Variants in CBLB observed in about 807,000 individuals in gnomAD.
The protein encoded by CBLB is E3 ubiquitin-protein ligase CBL-B.
CBLB carries 31 observed loss-of-function variants against 104.9 expected under a neutral mutation model. The observed-to-expected ratio is 0.30, with a 90% CI of 0.22 to 0.40. CBLB has a LOEUF of 0.40. Ranked by LOEUF, CBLB falls within the 10% of genes least tolerant of loss-of-function variation. The probability of loss-of-function intolerance (pLI) is 1.00; values close to 1 mark genes in which losing one functional copy is unlikely to be tolerated. For synonymous variants in CBLB, 440 were observed against 422.6 expected (o/e 1.04, Z -0.51); for missense variants, 1,062 against 1,214.6 (o/e 0.87, Z 1.87).
intron 3 of CBLB, among the ~76,000 whole-genome samples, chr3:105,799,535 T>A (rs2082608167): frequency 6.6e-6 from 1 of 152,202 alleles, no homozygotes; most frequent in African/African-American, 2.4e-5. Context: ...TTCACCATTT[T>A]GATTTGCAAC....
At chr3:105,718,695 G>C (rs774272305) in intron 10 of CBLB, among the ~76,000 whole-genome samples, 9 of 152,178 alleles carry the variant, frequency 5.9e-5, no homozygotes, top group Admixed American at 4.6e-4. Context: ...TGTGTTGAAA[G>C]GCTCTGTTGG....
intron 17 of CBLB, among the ~76,000 whole-genome samples, chr3:105,674,348 C>A (rs2065378838): frequency 6.6e-6 from 1 of 152,206 alleles, no homozygotes; most frequent in South Asian, 2.1e-4. Context: ...TCTGGATTTT[C>A]TTCATATTTT....
At chr3:105,770,693 C>A (rs781347867) in intron 4 of CBLB, among the ~76,000 whole-genome samples, 1 of 152,122 alleles carries the variant, frequency 6.6e-6, no homozygotes, top group Non-Finnish European at 1.5e-5. Context: ...CGAAGAGGGG[C>A]ATGGCTTTTT....
intron 9 of CBLB, among the ~76,000 whole-genome samples, chr3:105,727,607 A>G (rs1559981423): frequency 6.6e-6 from 1 of 152,094 alleles, no homozygotes; most frequent in Non-Finnish European, 1.5e-5. Context: ...TTAGTCATGA[A>G]GTCTTTGCCC....
intron 9 of CBLB, among the ~76,000 whole-genome samples, chr3:105,729,327 T>C (rs1251600461): frequency 5.9e-5 from 9 of 152,164 alleles, no homozygotes; most frequent in South Asian, 2.1e-4. Flanking sequence ...GTTCAGAGCA[T>C]ACTACAGAAC....
intron 18 of CBLB, among the ~76,000 whole-genome samples, chr3:105,667,455 T>A (rs2064595943): frequency 6.6e-6 from 1 of 152,166 alleles, no homozygotes. Flanking sequence ...ACAAGCAGAT[T>A]ACTAGCAAAA....
At chr3:105,817,275 T>C (rs2085195793) in intron 3 of CBLB, among the ~76,000 whole-genome samples, 2 of 152,174 alleles carry the variant, frequency 1.3e-5, no homozygotes, top group African/African-American at 4.8e-5. Flanking sequence ...TCAGTAATCT[T>C]ATCATGAGTA....
chr3:105,863,342 T>A (rs1178762178), intron 2 of CBLB, among the ~76,000 whole-genome samples: 1 of 152,172 alleles, frequency 6.6e-6, no homozygotes, highest in African/African-American at 2.4e-5. Context: ...TTTGTTATTA[T>A]CCCCTAACCA....
intron 10 of CBLB, among the ~76,000 whole-genome samples, chr3:105,713,530 T>C (rs1270218702): frequency 6.6e-6 from 1 of 152,156 alleles, no homozygotes; most frequent in Non-Finnish European, 1.5e-5. Context: ...TCAAAACTTT[T>C]AGAGTTCAAG....
intron 3 of CBLB, among the ~76,000 whole-genome samples, chr3:105,780,670 T>TTTTTTTTTTTTTTTTG (rs1560209728): frequency 7.4e-6 from 1 of 135,176 alleles, no homozygotes; most frequent in East Asian, 2.0e-4. Flanking sequence ...GTTTTTTTTT[T>TTTTTTTTTTTTTTTTG]TTTTTTTTTT....
At chr3:105,854,568 G>GACTACAT (rs2091355864) in intron 2 of CBLB, among the ~76,000 whole-genome samples, 3 of 151,408 alleles carry the variant, frequency 2.0e-5, no homozygotes, top group Non-Finnish European at 2.9e-5. Flanking sequence ...AAAGATACAT[G>GACTACAT]GCTCTCTTCT....
At chr3:105,831,108 A>G (rs1268845472) in intron 3 of CBLB, among the ~76,000 whole-genome samples, 1 of 152,220 alleles carries the variant, frequency 6.6e-6, no homozygotes, top group Non-Finnish European at 1.5e-5. Context: ...GACCATACAC[A>G]TAACCATGTT....
intron 9 of CBLB, among the ~76,000 whole-genome samples, chr3:105,721,344 A>C (rs1383850150): frequency 1.3e-5 from 2 of 152,164 alleles, no homozygotes; most frequent in African/African-American, 2.4e-5. Context: ...TGATGTTTGG[A>C]TCAAGGATGG....
chr3:105,666,144 T>C (rs533649857), intron 18 of CBLB, among the ~76,000 whole-genome samples: 79 of 152,312 alleles, frequency 5.2e-4, no homozygotes, highest in African/African-American at 1.8e-3. Flanking sequence ...ATATATTATC[T>C]GAAACATACT....
Position 105,825,807 on chromosome 3 carries a change from T to C in CBLB, c.419+27607A>G, listed in dbSNP as rs116757041. On this transcript the variant is annotated intron_variant, in intron 3 of 18. Transcript: ENST00000394030. ...AACATATAAAGGCTTGAATACAAAA[T>C]AGCATGATATCACTATCACAGACTA... 1.8e-3 allele frequency among the ~76,000 whole-genome samples: 279 copies of C among 152,308 alleles called. 1 individual carries two copies. Among genetic ancestry groups the C allele is most frequent in the Non-Finnish European group, 3.3e-3 (226 of 68,024 alleles).
intron 12 of CBLB, among the ~76,000 whole-genome samples, chr3:105,700,839 T>C (rs142306821): frequency 5.9e-5 from 9 of 152,340 alleles, no homozygotes; most frequent in Non-Finnish European, 8.8e-5. Flanking sequence ...AAAGTGTTCA[T>C]TATCACTGTA....
intron 12 of CBLB, among the ~76,000 whole-genome samples, chr3:105,698,808 A>AG (rs1297299120): frequency 6.6e-6 from 1 of 152,032 alleles, no homozygotes; most frequent in African/African-American, 2.4e-5. Flanking sequence ...TCTTTTTAAA[A>AG]AATCAAAATA....
At chr3:105,754,181 T>C (rs1171589519) in intron 4 of CBLB, among the ~76,000 whole-genome samples, 1 of 152,024 alleles carries the variant, frequency 6.6e-6, no homozygotes, top group Non-Finnish European at 1.5e-5. Context: ...GAATGAAGAA[T>C]AGAAATAGAG....
At chr3:105,778,531 T>A (rs2079759435) in intron 3 of CBLB, among the ~76,000 whole-genome samples, 1 of 151,968 alleles carries the variant, frequency 6.6e-6, no homozygotes, top group African/African-American at 2.4e-5. Flanking sequence ...TTCTATAAAA[T>A]CAATAAATTC....
Sources: allele counts gnomAD v4.1 joint callset (sites outside exome capture counted in the v4.1 genomes callset), GRCh38; gene constraint gnomAD v4.1.1; transcripts MANE v1.5; gene names NCBI Gene and HGNC (gene_info 2026-07-23, HGNC 2026-07-21).